The following PRKCA variants were observed in gnomAD, a reference collection of about 807,000 sequenced individuals.
PRKCA encodes the protein protein kinase C alpha type.
In PRKCA, 27 loss-of-function variants were observed where a neutral mutation model predicts 87.0. The ratio of observed to expected loss-of-function variants is 0.31; its 90% confidence interval spans 0.23 to 0.43. The LOEUF (loss-of-function observed/expected upper bound fraction) is 0.43. Ranked by LOEUF, PRKCA falls within the 20% of genes least tolerant of loss-of-function variation. PRKCA has a pLI of 1.00. For missense variants in PRKCA, 518 were observed against 852.3 expected (o/e 0.61, Z 4.88); for synonymous variants, 329 against 311.1 (o/e 1.06, Z -0.61).
chr17:66,459,072 TA>T (rs900584988), intron 2 of PRKCA, among the ~76,000 whole-genome samples: 159 of 146,868 alleles, frequency 1.1e-3, no homozygotes, highest in South Asian at 7.4e-3. Context: ...TATTGTTAAG[TA>T]AAAAAAAAAG....
chr17:66,429,018 A>G (rs1260792808), intron 2 of PRKCA, among the ~76,000 whole-genome samples: 4 of 152,166 alleles, frequency 2.6e-5, no homozygotes, highest in Non-Finnish European at 2.9e-5. Flanking sequence ...TAGTTGGAAG[A>G]TCTTTGGGGG....
intron 13 of PRKCA, among the ~76,000 whole-genome samples, chr17:66,752,818 C>T (rs1974467801): frequency 6.6e-6 from 1 of 152,126 alleles, no homozygotes; most frequent in South Asian, 2.1e-4. Context: ...ATGGTGCTGG[C>T]TACTAAAAGG....
chr17:66,552,004 A>G (rs769389320), intron 3 of PRKCA, among the ~76,000 whole-genome samples: 1 of 152,182 alleles, frequency 6.6e-6, no homozygotes, highest in Admixed American at 6.5e-5. Flanking sequence ...AGTGTAAACA[A>G]TAGGTGTATT....
chr17:66,366,291 T>C (rs1908719035), intron 2 of PRKCA, among the ~76,000 whole-genome samples: 1 of 152,212 alleles, frequency 6.6e-6, no homozygotes, highest in Admixed American at 6.5e-5. Context: ...AGTACAAATA[T>C]AGATTGCTAT....
chr17:66,807,856 GAGA>G lies in PRKCA; in HGVS notation c.*3824_*3826del, dbSNP rs1976067861. On this transcript the variant is annotated 3_prime_UTR_variant, in exon 17 of 17. Transcript: ENST00000413366. This position sits in a 1 kb window ranked among gnomAD's most constrained non-coding sequence, Gnocchi z 4.3. ...GGGGGCTGTAGTCAGGAAGGAGCCA[GAGA>G]AGAACAGGGTTTGGGTGCATCCAGA... 6.6e-6 allele frequency: 1 copy of G among 152,362 alleles called. No individual in the cohort carries two copies. The highest frequency in any genetic ancestry group is 2.4e-5 in the African/African-American group (1 of 41,466). 9.4% of individuals were successfully genotyped at this position (152,362 alleles called of 1,614,324 possible). A position where few individuals can be genotyped will look rare whatever the true frequency, so the allele number is the denominator to read the frequency against.
chr17:66,590,686 C>A (rs1038494749), intron 3 of PRKCA, among the ~76,000 whole-genome samples: 2 of 152,086 alleles, frequency 1.3e-5, no homozygotes, highest in African/African-American at 4.8e-5. Flanking sequence ...TCCATCTCTA[C>A]TAAAAATACA....
chr17:66,441,822 A>G (rs1913780125), intron 2 of PRKCA, among the ~76,000 whole-genome samples: 1 of 152,142 alleles, frequency 6.6e-6, no homozygotes, highest in African/African-American at 2.4e-5. Context: ...GCTATGACGT[A>G]TGTATATTTA....
intron 2 of PRKCA, among the ~76,000 whole-genome samples, chr17:66,425,475 C>A (rs938641539): frequency 6.6e-6 from 1 of 152,194 alleles, no homozygotes; most frequent in African/African-American, 2.4e-5. Flanking sequence ...TGGAGAAAAT[C>A]TCTCAATTCC....
At chr17:66,463,611 G>C (rs1914956564) in intron 2 of PRKCA, among the ~76,000 whole-genome samples, 1 of 152,038 alleles carries the variant, frequency 6.6e-6, no homozygotes, top group Admixed American at 6.6e-5. Flanking sequence ...TAGCCAGGTT[G>C]GTCTCGATCT....
chr17:66,497,017 C>G (rs1380184901), intron 3 of PRKCA, among the ~76,000 whole-genome samples: 2 of 152,184 alleles, frequency 1.3e-5, no homozygotes, highest in African/African-American at 4.8e-5. Context: ...ACAAACTGCT[C>G]CTGGTTTACT....
intron 5 of PRKCA, among the ~76,000 whole-genome samples, chr17:66,660,514 C>T (rs1971864724): frequency 6.6e-6 from 1 of 152,058 alleles, no homozygotes; most frequent in African/African-American, 2.4e-5. Context: ...AAATTCTGTC[C>T]CATGGTCCAT....
At chr17:66,490,993 C>A (rs1297299704) in intron 2 of PRKCA, among the ~76,000 whole-genome samples, 1 of 152,174 alleles carries the variant, frequency 6.6e-6, no homozygotes, top group African/African-American at 2.4e-5. Flanking sequence ...CTTCCATAAG[C>A]AAGATTAGCA....
chr17:66,704,376 A>C (rs1973141057), intron 8 of PRKCA, among the ~76,000 whole-genome samples: 1 of 152,216 alleles, frequency 6.6e-6, no homozygotes, highest in Admixed American at 6.5e-5. Flanking sequence ...ACTAGTACAT[A>C]TATTAAGGCT....
At chr17:66,513,201 GAA>G (rs1241606200) in intron 3 of PRKCA, among the ~76,000 whole-genome samples, 2 of 152,196 alleles carry the variant, frequency 1.3e-5, no homozygotes, top group Non-Finnish European at 2.9e-5. Context: ...CTGGATGAGT[GAA>G]TGCATTTTAG....
At chr17:66,392,268 CGT>C (rs1567805458) in intron 2 of PRKCA, among the ~76,000 whole-genome samples, 4 of 151,410 alleles carry the variant, frequency 2.6e-5, no homozygotes, top group African/African-American at 9.7e-5. Flanking sequence ...CAGAGGACTA[CGT>C]GCTTTGGGAG....
rs1042852194 is a variant in PRKCA, at chr17:66,314,845, TTCTC to T, written c.205+8732_205+8735del. ...AGTTAATCTCTACGATAGAATTTCT[TTCTC>T]TCTCTCTCTCTCTAGATATATATAT... On this transcript the variant is annotated intron_variant, in intron 2 of 16. Coordinates refer to ENST00000413366, the MANE Select transcript of PRKCA (RefSeq NM_002737.3). Among the ~76,000 whole-genome samples, 89 of 147,036 alleles carry T rather than the reference TTCTC, an allele frequency of 6.1e-4. 1 individual carries two copies. Among genetic ancestry groups the T allele is most frequent in the South Asian group, 5.2e-3 (24 of 4,580 alleles).
At position 66,616,072 on chromosome 17, in the gene PRKCA, C is replaced by T. The variant is rs375433928; in HGVS notation, c.289-25283C>T. 1.4e-4 allele frequency among the ~76,000 whole-genome samples: 21 copies of T among 152,296 alleles called. No homozygotes were observed. The East Asian group carries it at 2.5e-3, about 18-fold the overall frequency. On this transcript the variant is annotated intron_variant, in intron 3 of 16. Transcript: ENST00000413366. Reference sequence around the variant, plus strand: ...TACTCTGAATCCCAGTTTCAGATTGCAGGACAAACAGACGCCTTTTTAATC... The same window carrying T: ...TACTCTGAATCCCAGTTTCAGATTGTAGGACAAACAGACGCCTTTTTAATC...
intron 3 of PRKCA, among the ~76,000 whole-genome samples, chr17:66,534,995 T>C (rs1348695676): frequency 6.6e-6 from 1 of 152,206 alleles, no homozygotes. Flanking sequence ...TAAGTAATAA[T>C]AGTAGTTAGC....
chr17:66,517,869 A>G (rs957728958), intron 3 of PRKCA, among the ~76,000 whole-genome samples: 5 of 152,050 alleles, frequency 3.3e-5, no homozygotes, highest in African/African-American at 9.7e-5. Context: ...TGAAAAGTCC[A>G]CTCTGTGTCT....
Sources: allele counts gnomAD v4.1 joint callset (sites outside exome capture counted in the v4.1 genomes callset), GRCh38; gene constraint gnomAD v4.1.1; non-coding constraint Gnocchi (gnomAD v3.1); transcripts MANE v1.5; gene names NCBI Gene and HGNC (gene_info 2026-07-23, HGNC 2026-07-21).